XIRP2: variants seen among roughly 807,000 people sequenced by gnomAD.
XIRP2 encodes the protein xin actin binding repeat containing 2.
Under a neutral mutation model 277.0 loss-of-function variants are expected in XIRP2, and 236 were observed. The ratio of observed to expected loss-of-function variants is 0.85; its 90% CI spans 0.77 to 0.95. The LOEUF is 0.95. XIRP2 is among the 40% of genes least tolerant of loss of function. The probability of loss-of-function intolerance (pLI) is 0.00; values close to 1 mark genes in which losing one functional copy is unlikely to be tolerated. For synonymous variants in XIRP2, 1,490 were observed against 1,416.5 expected (o/e 1.05, Z -1.17); for missense variants, 4,640 against 4,157.5 (o/e 1.12, Z -3.19).
chr2:167,029,464 C>T (rs1411080527), intron 2 of XIRP2, among the ~76,000 whole-genome samples: 2 of 151,984 alleles, frequency 1.3e-5, no homozygotes, highest in Non-Finnish European at 2.9e-5. Context: ...TGAGATAGAG[C>T]ATGTGGTTTT....
chr2:167,231,979 G>T (rs1694771835), intron 5 of XIRP2, among the ~76,000 whole-genome samples: 1 of 151,864 alleles, frequency 6.6e-6, no homozygotes, highest in Non-Finnish European at 1.5e-5. Context: ...AATCCTCCTA[G>T]TCTTATTCTC....
At chr2:167,066,556 G>A (rs181697757) in intron 2 of XIRP2, among the ~76,000 whole-genome samples, 31 of 152,106 alleles carry the variant, frequency 2.0e-4, no homozygotes, top group African/African-American at 7.0e-4. Flanking sequence ...ATGAAAAACA[G>A]AATAGCAGTT....
chr2:167,159,054 G>C (rs184904660), intron 3 of XIRP2, among the ~76,000 whole-genome samples: 14 of 152,218 alleles, frequency 9.2e-5, no homozygotes, highest in African/African-American at 2.2e-4. Context: ...GCCTCAGTGG[G>C]GAGGGCACTA....
chr2:167,163,579 C>T (rs1029469262), intron 3 of XIRP2, among the ~76,000 whole-genome samples: 15 of 152,218 alleles, frequency 9.9e-5, no homozygotes, highest in East Asian at 9.7e-4. Context: ...TCAGTTTATG[C>T]GCTGCAAATA....
intron 2 of XIRP2, among the ~76,000 whole-genome samples, chr2:167,116,192 G>T (rs936812635): frequency 6.6e-6 from 1 of 152,066 alleles, no homozygotes; most frequent in Non-Finnish European, 1.5e-5. Context: ...ATCATTAATA[G>T]ATTTCAATCA....
In XIRP2 at chr2:167,248,528, T is replaced by C. The variant is rs1695358996; in HGVS notation, c.7136T>C (p.Leu2379Pro). The C allele has an allele frequency of 1.5e-5, 25 of 1,613,548 alleles. No homozygotes were observed. The highest frequency in any genetic ancestry group is 2.1e-5 in the Non-Finnish European group (25 of 1,179,808). The change falls in exon 9 of 11, where the codon CTC becomes CCC. Residue 2379 changes from leucine (L) to proline (P), a missense_variant. By Grantham distance (98) the Leu-to-Pro change is moderately conservative. Transcript: ENST00000409195. ...PPTPSQKPAH[L>P]LSSSAPEKHS... is the part of the protein sequence containing the mutation. ...ACTCCATCTCAAAAGCCAGCACATC[T>C]CCTTTCCTCCTCTGCTCCGGAAAAG...
chr2:167,204,433 A>G (rs1436533573), intron 3 of XIRP2, among the ~76,000 whole-genome samples: 1 of 152,214 alleles, frequency 6.6e-6, no homozygotes, highest in Non-Finnish European at 1.5e-5. Context: ...AATAGGTAGC[A>G]TCAGAATTGG....
intron 2 of XIRP2, among the ~76,000 whole-genome samples, chr2:167,086,672 T>C (rs1266253982): frequency 6.6e-6 from 1 of 151,966 alleles, no homozygotes; most frequent in Non-Finnish European, 1.5e-5. Flanking sequence ...AAACTTCCCT[T>C]CTCGCTTCAT....
intron 1 of XIRP2, among the ~76,000 whole-genome samples, chr2:166,893,382 A>G (rs1396828334): frequency 6.6e-6 from 1 of 152,164 alleles, no homozygotes; most frequent in African/African-American, 2.4e-5. Flanking sequence ...TTTAAAAAAT[A>G]CTTTCAGTTC....
At position 166,958,809 on chromosome 2, in the gene XIRP2, C is replaced by G. The variant is rs1016296759; in HGVS notation, c.408+54919C>G. The stretch of plus-strand genomic sequence containing the variant: ...TTTTTCCCGCAATAAAAATCTTATC[C>G]TAGTATCTTACAATTTGAATAATCT... On this transcript the variant is annotated intron_variant, in intron 2 of 10. Transcript: ENST00000409195. 4.0e-5 allele frequency among the ~76,000 whole-genome samples: 6 copies of G among 151,744 alleles called. No individual in the cohort carries two copies. The East Asian group carries it at 1.2e-3, about 30-fold the overall frequency.
At chr2:166,997,115 T>A (rs764871464) in intron 2 of XIRP2, among the ~76,000 whole-genome samples, 31 of 152,184 alleles carry the variant, frequency 2.0e-4, no homozygotes, top group Non-Finnish European at 4.3e-4. Flanking sequence ...TTTGGTATGA[T>A]CATACCTTCA....
At chr2:166,979,369 C>CTTTTTTTTTT (rs66909002) in intron 2 of XIRP2, among the ~76,000 whole-genome samples, 183 of 108,430 alleles carry the variant, frequency 1.7e-3, no homozygotes, top group Non-Finnish European at 2.5e-3. Flanking sequence ...CTTTTCTTTT[C>CTTTTTTTTTT]TTTTTTTTTT....
At chr2:166,911,768 T>C (rs1282449102) in intron 2 of XIRP2, among the ~76,000 whole-genome samples, 2 of 152,230 alleles carry the variant, frequency 1.3e-5, no homozygotes, top group Non-Finnish European at 2.9e-5. Flanking sequence ...TTTCCATGTT[T>C]AGTGCTTCCT....
chr2:167,180,465 C>T (rs1383734725), intron 3 of XIRP2, among the ~76,000 whole-genome samples: 4 of 152,038 alleles, frequency 2.6e-5, no homozygotes, highest in African/African-American at 9.7e-5. Context: ...TATATGTGCT[C>T]TTTTCTGTAT....
At chr2:167,222,697 A>G (rs1694468585) in intron 5 of XIRP2, among the ~76,000 whole-genome samples, 2 of 152,124 alleles carry the variant, frequency 1.3e-5, no homozygotes, top group South Asian at 4.1e-4. Flanking sequence ...AAACATTCTA[A>G]ATAATCCATC....
chr2:167,132,827 C>T (rs563675932), intron 2 of XIRP2, among the ~76,000 whole-genome samples: 1 of 152,292 alleles, frequency 6.6e-6, no homozygotes. Flanking sequence ...CTATACAGGG[C>T]TCTCTCTCAC....
At chr2:166,914,385 G>C (rs750787416) in intron 2 of XIRP2, among the ~76,000 whole-genome samples, 4 of 152,142 alleles carry the variant, frequency 2.6e-5, no homozygotes, top group Non-Finnish European at 4.4e-5. Context: ...CTGTCACCCA[G>C]GCTGGAGTGC....
intron 2 of XIRP2, among the ~76,000 whole-genome samples, chr2:166,961,294 C>G (rs1165765447): frequency 1.3e-5 from 2 of 151,696 alleles, no homozygotes; most frequent in African/African-American, 4.8e-5. Context: ...GCATGCCTCA[C>G]CTAAATTCAG....
intron 2 of XIRP2, among the ~76,000 whole-genome samples, chr2:167,058,478 T>G (rs1186723576): frequency 6.6e-6 from 1 of 152,186 alleles, no homozygotes; most frequent in Admixed American, 6.5e-5. Context: ...GATTTTGTGA[T>G]TTGACTGGCG....
Sources: gnomAD v4.1 joint callset for allele counts (sites outside exome capture counted in the v4.1 genomes callset) on GRCh38, gnomAD v4.1.1 for gene constraint, MANE v1.5 for transcripts, NCBI Gene and HGNC (gene_info 2026-07-23, HGNC 2026-07-21) for gene names.